Variants in EFR3A observed in about 807,000 individuals in gnomAD.
The protein encoded by EFR3A is EFR3 homolog A.
EFR3A carries 76 observed loss-of-function variants against 104.4 expected under a neutral mutation model. The ratio of observed to expected loss-of-function variants is 0.73; its 90% CI spans 0.60 to 0.88. The LOEUF is 0.88. Ranked by LOEUF, EFR3A falls within the 40% of genes least tolerant of loss-of-function variation. The pLI, the probability that EFR3A is intolerant of heterozygous loss-of-function variation, is 0.00. For synonymous variants in EFR3A, 330 were observed against 330.0 expected (o/e 1.00, Z 0.00); for missense variants, 985 against 1,012.5 (o/e 0.97, Z 0.37).
At position 131,911,936 on chromosome 8, in the gene EFR3A, G is replaced by A. The variant is rs565257301; in HGVS notation, c.10+7614G>A. Among the ~76,000 whole-genome samples the A allele has an allele frequency of 7.2e-5, 11 of 152,230 alleles. 1 individual carries two copies. Among genetic ancestry groups the A allele is most frequent in the South Asian group, 4.2e-4 (2 of 4,818 alleles). The stretch of plus-strand genomic sequence containing the variant: ...TAATTTCTTTATGATCAGTTTTTAC[G>A]CAGAAAGGCCGAGGGAAAGTTAGAG... On this transcript the variant is annotated intron_variant, in intron 1 of 22. Coordinates refer to ENST00000254624, the MANE Select transcript of EFR3A (RefSeq NM_015137.6).
intron 22 of EFR3A, among the ~76,000 whole-genome samples, chr8:132,003,869 G>A (rs902859361): frequency 1.3e-4 from 20 of 152,138 alleles, no homozygotes; most frequent in Non-Finnish European, 4.4e-5. Context: ...TCTAAAGAAG[G>A]AACTTCCACA....
At chr8:131,959,763 A>G (rs1433369139) in intron 8 of EFR3A, 100 bp downstream of exon 8, 7 of 689,442 alleles carry the variant, frequency 1.0e-5, no homozygotes, top group Non-Finnish European at 1.6e-5. Flanking sequence ...TAGGATATAA[A>G]TCATTGCTCT....
intron 18 of EFR3A, among the ~76,000 whole-genome samples, chr8:131,990,022 G>A (rs1450789523): frequency 6.6e-6 from 1 of 152,192 alleles, no homozygotes; most frequent in African/African-American, 2.4e-5. Flanking sequence ...ATCGTTCAGA[G>A]GTACCAGTGG....
At chr8:131,911,630 A>G (rs1816515891) in intron 1 of EFR3A, among the ~76,000 whole-genome samples, 1 of 152,262 alleles carries the variant, frequency 6.6e-6, no homozygotes, top group Non-Finnish European at 1.5e-5. Context: ...ATACAAATTT[A>G]TGTAACGTAT....
chr8:131,976,075 T>C lies in EFR3A; in HGVS notation c.1208T>C (p.Met403Thr). ...GATTATCAGAGGTCAGAAATCATGA[T>C]GTTCATTATGGGGAAAGTACCTGTC... ...LPDYQRSEIM[M>T]FIMGKVPVFG... is the part of the protein sequence containing the mutation. The change falls in exon 11 of 23, where the codon ATG becomes ACG. Residue 403 changes from methionine (M) to threonine (T), a missense_variant. Physicochemically the swap from Met to Thr is moderately conservative, Grantham distance 81. Coordinates refer to ENST00000254624, the MANE Select transcript of EFR3A (RefSeq NM_015137.6). The C allele has an allele frequency of 6.2e-7, 1 of 1,607,854 alleles. No homozygotes were observed. The highest frequency in any genetic ancestry group is 8.5e-7 in the Non-Finnish European group (1 of 1,176,740).
intron 10 of EFR3A, among the ~76,000 whole-genome samples, chr8:131,973,361 AATTGATTTACATTGCTTT>A (rs1820170749): frequency 6.6e-6 from 1 of 152,030 alleles, no homozygotes; most frequent in South Asian, 2.1e-4. Context: ...GTTTTCACAG[AATTGATTTACATTGCTTT>A]AATGACTTCT....
chr8:131,987,447 G>T, intron 17 of EFR3A, 128 bp from the exon 18 acceptor site: 1 of 1,042,114 alleles, frequency 9.6e-7, no homozygotes, highest in Admixed American at 3.2e-5. Flanking sequence ...TGATTTTTCT[G>T]CTACTACAGT....
At chr8:131,937,316 T>G (rs1412380047) in intron 1 of EFR3A, among the ~76,000 whole-genome samples, 1 of 152,162 alleles carries the variant, frequency 6.6e-6, no homozygotes, top group Non-Finnish European at 1.5e-5. Flanking sequence ...TTTAATACCC[T>G]TAACTGTGAG....
intron 5 of EFR3A, among the ~76,000 whole-genome samples, chr8:131,950,797 G>T (rs1332289880): frequency 6.6e-6 from 1 of 152,058 alleles, no homozygotes; most frequent in African/African-American, 2.4e-5. Context: ...ATCCATCTGA[G>T]GTTGTCATGA....
intron 1 of EFR3A, among the ~76,000 whole-genome samples, chr8:131,913,915 ATTGT>A (rs1439604803): frequency 6.6e-6 from 1 of 152,190 alleles, no homozygotes; most frequent in Non-Finnish European, 1.5e-5. Flanking sequence ...TCTGACTTGG[ATTGT>A]TTTATTTTAT....
At chr8:131,904,394 C>T (rs958521910) in intron 1 of EFR3A, 72 bp downstream of exon 1, 36 of 1,223,108 alleles carry the variant, frequency 2.9e-5, no homozygotes, top group African/African-American at 4.7e-5. Context: ...CCGGGTACTC[C>T]TCCCGGGCGG....
At chr8:131,955,697 A>C in intron 6 of EFR3A, 71 bp from the exon 7 acceptor site, 1 of 1,493,210 alleles carries the variant, frequency 6.7e-7, no homozygotes, top group Non-Finnish European at 9.0e-7. Context: ...TCTAAAAAGT[A>C]AAGTATATTT....
intron 1 of EFR3A, chr8:131,935,535 C>T: frequency 2.3e-6 from 1 of 443,642 alleles, no homozygotes; most frequent in Non-Finnish European, 4.5e-6. Flanking sequence ...ATACATATGT[C>T]AGTCAATTTC....
At chr8:131,910,308 G>A (rs1816455974) in intron 1 of EFR3A, among the ~76,000 whole-genome samples, 2 of 152,186 alleles carry the variant, frequency 1.3e-5, no homozygotes, top group South Asian at 4.1e-4. Flanking sequence ...GTCTCACTCT[G>A]TAGCCCAAGC....
chr8:131,969,544 G>T (rs1382981271), intron 9 of EFR3A, among the ~76,000 whole-genome samples: 2 of 145,012 alleles, frequency 1.4e-5, no homozygotes, highest in Non-Finnish European at 3.0e-5. Flanking sequence ...TTTATCGTGG[G>T]TTTTTTTTTT....
rs1820491055 is a variant in EFR3A, at chr8:131,979,440, A to C, written c.1575+19A>C. 3 of 1,485,428 alleles carry C rather than the reference A, an allele frequency of 2.0e-6. No individual in the cohort carries two copies. The South Asian group carries it at 3.6e-5, about 18-fold the overall frequency. The allele number at this position is 1,485,428 out of a possible 1,614,324, so 92.0% of individuals were successfully genotyped here. A position where few individuals can be genotyped will look rare whatever the true frequency, so the allele number is the denominator to read the frequency against. On this transcript the variant is annotated intron_variant, in intron 14 of 22. Transcript: ENST00000254624. ...GAAAAAGGTAAGACATCTTCTAAAAAAATAAATGTGTAGTGTAAATTACAG... is the reference window on the plus strand; with the variant it reads ...GAAAAAGGTAAGACATCTTCTAAAACAATAAATGTGTAGTGTAAATTACAG...
intron 18 of EFR3A, among the ~76,000 whole-genome samples, chr8:131,989,421 T>TCA (rs1169480492): frequency 6.6e-6 from 1 of 152,228 alleles, no homozygotes; most frequent in African/African-American, 2.4e-5. Context: ...GGCACTGTGA[T>TCA]AAGTGCTTAG....
At chr8:131,996,172 A>G (rs1376613126) in intron 18 of EFR3A, among the ~76,000 whole-genome samples, 1 of 152,118 alleles carries the variant, frequency 6.6e-6, no homozygotes, top group Non-Finnish European at 1.5e-5. Context: ...CCTTTTTGAA[A>G]AATAAAAATC....
intron 1 of EFR3A, among the ~76,000 whole-genome samples, chr8:131,908,824 TA>T (rs1051032733): frequency 1.8e-4 from 28 of 152,200 alleles, no homozygotes; most frequent in African/African-American, 6.3e-4. Flanking sequence ...CCAAATAAAT[TA>T]AAAATTGAAT....
Sources: allele counts gnomAD v4.1 joint callset (sites outside exome capture counted in the v4.1 genomes callset), GRCh38; gene constraint gnomAD v4.1.1; transcripts MANE v1.5; gene names NCBI Gene and HGNC (gene_info 2026-07-23, HGNC 2026-07-21).